The following ERBB4 variants were observed in gnomAD, a reference collection of about 807,000 sequenced individuals.
The protein encoded by ERBB4 is receptor tyrosine-protein kinase erbB-4.
In ERBB4, 42 loss-of-function variants were observed where a neutral mutation model predicts 158.0. The observed-to-expected ratio is 0.27, with a 90% CI of 0.21 to 0.34. The LOEUF (loss-of-function observed/expected upper bound fraction) is 0.34, where lower values mean the gene tolerates loss of function less well. Ranked by LOEUF, ERBB4 falls within the 10% of genes least tolerant of loss-of-function variation. The pLI is 1.00. For missense variants in ERBB4, 1,333 were observed against 1,624.1 expected (o/e 0.82, Z 3.08); for synonymous variants, 583 against 558.7 (o/e 1.04, Z -0.61).
At chr2:211,563,861 G>A (rs1183665868) in intron 19 of ERBB4, among the ~76,000 whole-genome samples, 3 of 152,118 alleles carry the variant, frequency 2.0e-5, no homozygotes, top group African/African-American at 7.2e-5. Context: ...CATAGAGGGT[G>A]TAATATGTAT....
chr2:212,248,547 T>C (rs1407744898), intron 1 of ERBB4, among the ~76,000 whole-genome samples: 8 of 152,204 alleles, frequency 5.3e-5, no homozygotes, highest in Non-Finnish European at 1.2e-4. Flanking sequence ...CATCTACCTA[T>C]GCTGCCTCAA....
rs184810673 is a variant in ERBB4, at chr2:212,232,223, T to G, written c.83-107320A>C. Among the ~76,000 whole-genome samples the G allele has an allele frequency of 3.3e-5, 5 of 152,298 alleles. No individual in the cohort carries two copies. The East Asian group carries it at 9.6e-4, about 29-fold the overall frequency. ...TTTTATATGTTATAAAGAAACATTATGAAGACTACATAAGTGTTTCATAAT... is the reference window on the plus strand; with the variant it reads ...TTTTATATGTTATAAAGAAACATTAGGAAGACTACATAAGTGTTTCATAAT... On this transcript the variant is annotated intron_variant, in intron 1 of 27. Transcript: ENST00000342788.
chr2:211,586,981 C>T (rs949319268), intron 19 of ERBB4, among the ~76,000 whole-genome samples: 7 of 152,094 alleles, frequency 4.6e-5, no homozygotes, highest in African/African-American at 1.7e-4. Context: ...TATAGATGCT[C>T]CTCAACTTAT....
intron 20 of ERBB4, among the ~76,000 whole-genome samples, chr2:211,548,708 C>A (rs1293662135): frequency 6.6e-6 from 1 of 151,962 alleles, no homozygotes; most frequent in Non-Finnish European, 1.5e-5. Context: ...TTTCCGTTTC[C>A]CCATCTCCAA....
At chr2:212,514,035 TAACAA>T (rs1004343644) in intron 1 of ERBB4, among the ~76,000 whole-genome samples, 1 of 152,124 alleles carries the variant, frequency 6.6e-6, no homozygotes, top group African/African-American at 2.4e-5. Flanking sequence ...CTAAATTTCA[TAACAA>T]AACAAAACAA....
intron 2 of ERBB4, among the ~76,000 whole-genome samples, chr2:212,013,229 G>C (rs1206162027): frequency 1.3e-5 from 2 of 151,924 alleles, no homozygotes; most frequent in Non-Finnish European, 2.9e-5. Context: ...ACTAATTTTT[G>C]TATTTTTACC....
At chr2:212,303,359 G>A (rs1001137841) in intron 1 of ERBB4, among the ~76,000 whole-genome samples, 2 of 129,110 alleles carry the variant, frequency 1.5e-5, no homozygotes, top group Non-Finnish European at 3.5e-5. Context: ...GATCATGTCA[G>A]TATAGGAATG....
chr2:211,888,855 GC>G (rs2078880830), intron 3 of ERBB4, among the ~76,000 whole-genome samples: 1 of 151,592 alleles, frequency 6.6e-6, no homozygotes, highest in African/African-American at 2.4e-5. Flanking sequence ...TTAAAAAACG[GC>G]GAACCATGAG....
chr2:212,462,248 A>G (rs1241146153), intron 1 of ERBB4, among the ~76,000 whole-genome samples: 1 of 152,222 alleles, frequency 6.6e-6, no homozygotes, highest in East Asian at 1.9e-4. Context: ...AAAAGCAAAA[A>G]TAGACAAATG....
intron 12 of ERBB4, among the ~76,000 whole-genome samples, chr2:211,682,672 G>C (rs973516687): frequency 6.6e-6 from 1 of 152,076 alleles, no homozygotes; most frequent in African/African-American, 2.4e-5. Flanking sequence ...GAAATAAGTT[G>C]TTCATACATT....
intron 25 of ERBB4, among the ~76,000 whole-genome samples, chr2:211,409,513 C>T (rs1412834436): frequency 6.6e-6 from 1 of 152,136 alleles, no homozygotes; most frequent in Non-Finnish European, 1.5e-5. Context: ...ACATTGTTCT[C>T]CCTGCTTTTT....
At chr2:211,680,071 A>G (rs1341601617) in intron 12 of ERBB4, among the ~76,000 whole-genome samples, 6 of 152,236 alleles carry the variant, frequency 3.9e-5, no homozygotes, top group Non-Finnish European at 8.8e-5. Context: ...AAGTTTTGAA[A>G]GAATATTCAG....
chr2:212,233,967 TTA>T (rs1344784426), intron 1 of ERBB4, among the ~76,000 whole-genome samples: 13 of 27,984 alleles, frequency 4.6e-4, no homozygotes, highest in African/African-American at 1.1e-3. Context: ...GCATTATTTA[TTA>T]TTATTATTAT....
intron 1 of ERBB4, among the ~76,000 whole-genome samples, chr2:212,312,372 T>C (rs180802064): frequency 2.1e-4 from 32 of 151,092 alleles, no homozygotes; most frequent in African/African-American, 7.5e-4. Context: ...TCAAGACTCA[T>C]TGAATTAGAA....
chr2:211,997,383 A>G (rs2082225042), intron 2 of ERBB4, among the ~76,000 whole-genome samples: 1 of 152,124 alleles, frequency 6.6e-6, no homozygotes, highest in Non-Finnish European at 1.5e-5. Flanking sequence ...CTATTTACTG[A>G]AGCAAGAAAC....
intron 1 of ERBB4, among the ~76,000 whole-genome samples, chr2:212,146,957 C>G (rs1172571296): frequency 6.8e-6 from 1 of 146,150 alleles, no homozygotes; most frequent in African/African-American, 2.5e-5. Flanking sequence ...AAAAAGTTGG[C>G]AGAGAGAAGC....
intron 3 of ERBB4, among the ~76,000 whole-genome samples, chr2:211,879,263 G>T (rs749985522): frequency 6.6e-6 from 1 of 151,674 alleles, no homozygotes; most frequent in Non-Finnish European, 1.5e-5. Context: ...AAACATATTT[G>T]CAACATTAAT....
At chr2:212,019,498 C>G (rs1289627093) in intron 2 of ERBB4, among the ~76,000 whole-genome samples, 2 of 152,024 alleles carry the variant, frequency 1.3e-5, no homozygotes, top group East Asian at 1.9e-4. Context: ...CACGGTGGCT[C>G]TCACCTGTAA....
intron 1 of ERBB4, among the ~76,000 whole-genome samples, chr2:212,491,995 A>T (rs938909142): frequency 5.3e-5 from 8 of 151,534 alleles, no homozygotes; most frequent in African/African-American, 1.9e-4. Context: ...ATACTACTTT[A>T]AAAAATACCA....
Sources: gnomAD v4.1 joint callset for allele counts (sites outside exome capture counted in the v4.1 genomes callset) on GRCh38, gnomAD v4.1.1 for gene constraint, MANE v1.5 for transcripts, NCBI Gene and HGNC (gene_info 2026-07-23, HGNC 2026-07-21) for gene names.